Variants in SMAD1 observed in about 807,000 individuals in gnomAD.
SMAD1 encodes SMAD family member 1, also known as MAD, mothers against decapentaplegic homolog 1.
In SMAD1, 6 loss-of-function variants were observed where a neutral mutation model predicts 41.6. That is an observed-to-expected ratio of 0.14 (90% CI 0.08 to 0.28). The LOEUF is 0.28. Ranked by LOEUF, SMAD1 falls within the 10% of genes least tolerant of loss-of-function variation. The probability of loss-of-function intolerance (pLI) is 1.00; values close to 1 mark genes in which losing one functional copy is unlikely to be tolerated. For synonymous variants in SMAD1, 206 were observed against 203.2 expected (o/e 1.01, Z -0.12); for missense variants, 379 against 582.6 (o/e 0.65, Z 3.60).
chr4:145,529,818 G>A (rs11100883), intron 2 of SMAD1, among the ~76,000 whole-genome samples: 49,353 of 152,088 alleles, frequency 0.32, 10,027 homozygotes, highest in Non-Finnish European at 0.46. Context: ...TCTCTTGCCA[G>A]TGCATGTAGT....
intron 5 of SMAD1, among the ~76,000 whole-genome samples, chr4:145,547,656 G>A: frequency 6.6e-6 from 1 of 152,184 alleles, no homozygotes; most frequent in East Asian, 1.9e-4. Flanking sequence ...TAAAGATGAA[G>A]CAAATGACTA....
At position 145,497,713 on chromosome 4, in the gene SMAD1, A is replaced by G. The variant is rs1578746043; in HGVS notation, c.-177+15675A>G. On this transcript the variant is annotated intron_variant, in intron 1 of 6. Transcript: ENST00000302085. Reference sequence around the variant, plus strand: ...ATAAGACTGTACTGAACAAGTGATCAGAGGTAGAAAGGACTAGATTCATGG... The same window carrying G: ...ATAAGACTGTACTGAACAAGTGATCGGAGGTAGAAAGGACTAGATTCATGG... 3 of 152,226 alleles carry G rather than the reference A, an allele frequency of 2.0e-5. No individual in the cohort carries two copies. The South Asian group carries it at 6.2e-4, about 31-fold the overall frequency. The allele number at this position is 152,226 out of a possible 1,614,324, so 9.4% of individuals were successfully genotyped here. A position where few individuals can be genotyped will look rare whatever the true frequency, so the allele number is the denominator to read the frequency against.
intron 6 of SMAD1, 150 bp from the exon 7 acceptor site, chr4:145,557,641 T>C (rs930258495): frequency 5.7e-6 from 3 of 526,602 alleles, no homozygotes; most frequent in Non-Finnish European, 1.0e-5. Flanking sequence ...CGTTTGTGCA[T>C]GTGTGTTTTT....
chr4:145,509,493 G>A (rs1247275938), intron 1 of SMAD1, among the ~76,000 whole-genome samples: 2 of 152,100 alleles, frequency 1.3e-5, no homozygotes, highest in East Asian at 3.9e-4. Context: ...TTGTTTAAAT[G>A]TATTTGTTAT....
At chr4:145,516,161 A>G (rs1187215912) in intron 2 of SMAD1, among the ~76,000 whole-genome samples, 1 of 152,176 alleles carries the variant, frequency 6.6e-6, no homozygotes, top group Non-Finnish European at 1.5e-5. Context: ...TTTGGTAACC[A>G]CTGTTCTGAA....
intron 1 of SMAD1, among the ~76,000 whole-genome samples, chr4:145,489,057 G>A (rs1295166859): frequency 6.6e-6 from 1 of 152,216 alleles, no homozygotes; most frequent in South Asian, 2.1e-4. Context: ...TAGAATTTCT[G>A]CAGTGATGGA....
intron 1 of SMAD1, among the ~76,000 whole-genome samples, chr4:145,511,728 A>C (rs1047911413): frequency 6.6e-6 from 1 of 152,164 alleles, no homozygotes; most frequent in Non-Finnish European, 1.5e-5. Context: ...CTAACTTCAT[A>C]TATCTCTTTT....
At chr4:145,531,707 C>T (rs1055031931) in intron 2 of SMAD1, among the ~76,000 whole-genome samples, 4 of 152,082 alleles carry the variant, frequency 2.6e-5, no homozygotes, top group African/African-American at 7.2e-5. Flanking sequence ...AAGGTGGTTA[C>T]GGGAGTCAGG....
rs1402016159 is a variant in SMAD1, at chr4:145,517,725, C to G, written c.400+2712C>G. Among the ~76,000 whole-genome samples, 6 of 70,882 alleles carry G rather than the reference C, an allele frequency of 8.5e-5. 2 individuals carry two copies. Among genetic ancestry groups the G allele is most frequent in the Non-Finnish European group, 3.1e-4 (6 of 19,138 alleles). The allele number at this position is 70,882 out of a possible 152,430, so 46.5% of individuals were successfully genotyped here. On this transcript the variant is annotated intron_variant, in intron 2 of 6. Coordinates refer to ENST00000302085, the MANE Select transcript of SMAD1 (RefSeq NM_005900.3). ...TGACCATCTTCTTCCCTTCTTTGGT[C>G]ATTTTATGGCTATTACACCTCTGAT... is the stretch of plus-strand genomic sequence containing the variant.
At chr4:145,524,877 A>G (rs1315369098) in intron 2 of SMAD1, among the ~76,000 whole-genome samples, 1 of 152,236 alleles carries the variant, frequency 6.6e-6, no homozygotes, top group East Asian at 1.9e-4. Flanking sequence ...TAAAAGAAAA[A>G]AACCAGGCCA....
intron 1 of SMAD1, among the ~76,000 whole-genome samples, chr4:145,487,791 G>A (rs1482337552): frequency 1.3e-5 from 2 of 152,182 alleles, no homozygotes; most frequent in Non-Finnish European, 2.9e-5. Flanking sequence ...AAACAGTAAT[G>A]TCTGTAGCTA....
intron 2 of SMAD1, among the ~76,000 whole-genome samples, chr4:145,525,219 T>TCTCAAATATATGTTCTATC (rs1730964544): frequency 1.3e-5 from 2 of 152,244 alleles, no homozygotes; most frequent in Middle Eastern, 3.2e-3. Flanking sequence ...GATTGCTTTC[T>TCTCAAATATATGTTCTATC]CTCAAATATA....
At chr4:145,527,754 G>T (rs1187339277) in intron 2 of SMAD1, among the ~76,000 whole-genome samples, 1 of 152,084 alleles carries the variant, frequency 6.6e-6, no homozygotes, top group African/African-American at 2.4e-5. Context: ...GTTTTTGGTA[G>T]TAGAGAATGT....
intron 1 of SMAD1, among the ~76,000 whole-genome samples, chr4:145,511,203 A>G (rs1578767367): frequency 6.6e-6 from 1 of 152,170 alleles, no homozygotes; most frequent in Non-Finnish European, 1.5e-5. Flanking sequence ...CTTTGGGATT[A>G]TATCTAAATC....
At chr4:145,543,815 G>A (rs1431580162) in intron 4 of SMAD1, among the ~76,000 whole-genome samples, 4 of 152,162 alleles carry the variant, frequency 2.6e-5, no homozygotes, top group Non-Finnish European at 5.9e-5. Context: ...GAAAGAAAGT[G>A]CTTTGCTGCT....
intron 1 of SMAD1, among the ~76,000 whole-genome samples, chr4:145,494,836 G>A (rs1169246911): frequency 6.6e-6 from 1 of 152,090 alleles, no homozygotes; most frequent in African/African-American, 2.4e-5. Flanking sequence ...TGTCAGTTGT[G>A]GGTGCTCAGA....
intron 4 of SMAD1, chr4:145,546,233 A>T (rs1732244358): frequency 6.0e-6 from 1 of 165,550 alleles, no homozygotes; most frequent in South Asian, 1.6e-4. Flanking sequence ...AAGCATAGGC[A>T]TACTTAGTCT....
chr4:145,527,723 C>G (rs1289113349), intron 2 of SMAD1, among the ~76,000 whole-genome samples: 1 of 152,002 alleles, frequency 6.6e-6, no homozygotes. Context: ...TTTCTCTCAA[C>G]AAAAAGGAGG....
At chr4:145,528,760 T>A (rs1237333175) in intron 2 of SMAD1, among the ~76,000 whole-genome samples, 1 of 152,202 alleles carries the variant, frequency 6.6e-6, no homozygotes, top group East Asian at 1.9e-4. Flanking sequence ...TACCTCTTAC[T>A]GTGTGCTTAT....
Sources: gnomAD v4.1 joint callset for allele counts (sites outside exome capture counted in the v4.1 genomes callset) on GRCh38, gnomAD v4.1.1 for gene constraint, MANE v1.5 for transcripts, NCBI Gene and HGNC (gene_info 2026-07-23, HGNC 2026-07-21) for gene names.